Variants in CCSER1 observed in about 807,000 individuals in gnomAD.
CCSER1 encodes the protein coiled-coil serine rich protein 1.
CCSER1 carries 41 observed loss-of-function variants against 82.0 expected under a neutral mutation model. The observed-to-expected ratio is 0.50, with a 90% confidence interval of 0.39 to 0.65. The LOEUF (loss-of-function observed/expected upper bound fraction) is 0.65, where lower values mean the gene tolerates loss of function less well. Among genes scored for constraint, CCSER1 ranks in the 30% least tolerant of loss-of-function variants. The pLI is 0.00. For missense variants in CCSER1, 1,119 were observed against 1,064.2 expected, an observed-to-expected ratio of 1.05 and a Z score of -0.72; for synonymous variants, 414 against 383.9, an observed-to-expected ratio of 1.08 and a Z score of -0.92.
chr4:90,274,324 G>C (rs1727141417), intron 1 of CCSER1, among the ~76,000 whole-genome samples: 1 of 152,192 alleles, frequency 6.6e-6, no homozygotes, highest in Admixed American at 6.5e-5. Context: ...CCAGGGAGTT[G>C]TGGAATACTG....
chr4:90,470,587 A>G (rs1764226054), intron 5 of CCSER1, among the ~76,000 whole-genome samples: 1 of 152,126 alleles, frequency 6.6e-6, no homozygotes, highest in African/African-American at 2.4e-5. Context: ...GATATCATCA[A>G]GGGTCATTCT....
At chr4:90,735,657 T>A (rs1323418180) in intron 7 of CCSER1, among the ~76,000 whole-genome samples, 4 of 152,250 alleles carry the variant, frequency 2.6e-5, no homozygotes, top group Admixed American at 2.6e-4. Flanking sequence ...TTATAATGTC[T>A]CCTTTTTCAT....
At chr4:90,610,335 A>T (rs1379680960) in intron 5 of CCSER1, among the ~76,000 whole-genome samples, 1 of 152,050 alleles carries the variant, frequency 6.6e-6, no homozygotes, top group Non-Finnish European at 1.5e-5. Flanking sequence ...ATTACAAAAG[A>T]TCGCAAGGAA....
At chr4:90,981,024 C>A (rs1378707329) in intron 9 of CCSER1, among the ~76,000 whole-genome samples, 1 of 151,664 alleles carries the variant, frequency 6.6e-6, no homozygotes, top group Non-Finnish European at 1.5e-5. Flanking sequence ...TACAGGTAGA[C>A]CTGAAGTAGA....
chr4:90,639,565 A>G (rs1029452346), intron 6 of CCSER1, among the ~76,000 whole-genome samples: 3 of 151,992 alleles, frequency 2.0e-5, no homozygotes, highest in Non-Finnish European at 2.9e-5. Flanking sequence ...AAGGGAAGAG[A>G]TGTGTAGTGT....
rs553203712 is a variant in CCSER1, at chr4:91,409,099, T to A, written c.2218-189473T>A. 9.2e-5 allele frequency among the ~76,000 whole-genome samples: 14 copies of A among 152,280 alleles called. 1 individual carries two copies. The South Asian group carries it at 2.9e-3, about 32-fold the overall frequency. ...TTATTCACATGGCATCCTCTAGATTTCTGAGGCAAAGACATTGGCAAAAAC... is the reference window on the plus strand; with the variant it reads ...TTATTCACATGGCATCCTCTAGATTACTGAGGCAAAGACATTGGCAAAAAC... On this transcript the variant is annotated intron_variant, in intron 10 of 10. Coordinates refer to ENST00000509176, the MANE Select transcript of CCSER1 (RefSeq NM_001145065.2).
At chr4:91,498,382 C>T (rs1480073023) in intron 10 of CCSER1, among the ~76,000 whole-genome samples, 2 of 151,692 alleles carry the variant, frequency 1.3e-5, no homozygotes, top group East Asian at 1.9e-4. Context: ...TTTATATTTA[C>T]TCTAATAAGA....
intron 5 of CCSER1, among the ~76,000 whole-genome samples, chr4:90,564,768 A>G (rs1368260227): frequency 6.6e-6 from 1 of 151,790 alleles, no homozygotes; most frequent in African/African-American, 2.4e-5. Context: ...AAAACTATTC[A>G]TTGAAGACAC....
Position 91,488,878 on chromosome 4 carries a change from A to T in CCSER1, c.2218-109694A>T, listed in dbSNP as rs539062503. Among the ~76,000 whole-genome samples the T allele has an allele frequency of 3.9e-5, 6 of 152,330 alleles. No homozygotes were observed. The South Asian group carries it at 1.2e-3, about 32-fold the overall frequency. On this transcript the variant is annotated intron_variant, in intron 10 of 10. Coordinates refer to ENST00000509176, the MANE Select transcript of CCSER1 (RefSeq NM_001145065.2). The stretch of plus-strand genomic sequence containing the variant: ...GCGGTCATAGACTGTACTGCATTGT[A>T]GTAAGGGTCAGGAGATTATAGGTAG...
intron 10 of CCSER1, among the ~76,000 whole-genome samples, chr4:91,377,831 A>C (rs963464728): frequency 1.3e-5 from 2 of 152,140 alleles, no homozygotes; most frequent in African/African-American, 4.8e-5. Context: ...GCCCATGCCT[A>C]TGTCCTGAAT....
At chr4:91,159,248 C>T (rs73836865) in intron 10 of CCSER1, among the ~76,000 whole-genome samples, 1,929 of 151,960 alleles carry the variant, frequency 0.013, 23 homozygotes, top group African/African-American at 0.034. Context: ...CTTATAACTC[C>T]GTCTGTCAAA....
chr4:91,371,539 T>C (rs1031498710), intron 10 of CCSER1, among the ~76,000 whole-genome samples: 2 of 152,218 alleles, frequency 1.3e-5, no homozygotes, highest in African/African-American at 4.8e-5. Context: ...AGTATCCCAT[T>C]GTGTATATGT....
At chr4:90,372,459 A>T (rs1199391817) in intron 3 of CCSER1, among the ~76,000 whole-genome samples, 6 of 152,164 alleles carry the variant, frequency 3.9e-5, no homozygotes, top group Admixed American at 6.5e-5. Flanking sequence ...ATCATTTTTA[A>T]AAGCTAGATT....
At position 91,470,445 on chromosome 4, in the gene CCSER1, T is replaced by TAA. The variant is rs33924867; in HGVS notation, c.2218-128120_2218-128119dup. ...TTTATATTATGGAAGACTGAAATGGTAAAAAAAATAAAAATAAATGAGATC... is the reference window on the plus strand; with the variant it reads ...TTTATATTATGGAAGACTGAAATGGTAAAAAAAAAATAAAAATAAATGAGATC... On this transcript the variant is annotated intron_variant, in intron 10 of 10. Coordinates refer to ENST00000509176, the MANE Select transcript of CCSER1 (RefSeq NM_001145065.2). Among the ~76,000 whole-genome samples the TAA allele has an allele frequency of 1.2e-3, 182 of 151,474 alleles. 1 individual carries two copies. The highest frequency in any genetic ancestry group is 6.3e-4 in the South Asian group (3 of 4,796).
chr4:91,380,019 A>T (rs1340990519), intron 10 of CCSER1, among the ~76,000 whole-genome samples: 2 of 152,180 alleles, frequency 1.3e-5, no homozygotes, highest in Non-Finnish European at 1.5e-5. Context: ...GTAGTCATTT[A>T]GGAGCAGGTT....
At chr4:90,538,117 G>T (rs990930826) in intron 5 of CCSER1, among the ~76,000 whole-genome samples, 1 of 152,028 alleles carries the variant, frequency 6.6e-6, no homozygotes, top group Non-Finnish European at 1.5e-5. Flanking sequence ...ATTCTTTTCA[G>T]ATATAAGGTG....
chr4:90,308,800 T>A lies in CCSER1; in HGVS notation c.516T>A (p.Ser172=). 1 of 1,613,856 alleles carries A rather than the reference T, an allele frequency of 6.2e-7. No homozygotes were observed. Among genetic ancestry groups the A allele is most frequent in the Non-Finnish European group, 8.5e-7 (1 of 1,179,860 alleles). The part of the protein sequence containing the change: ...SGFTEDQTRR[S]VKQSTRKLLP... ...TCACAGAAGACCAAACTCGTCGTTC[T>A]GTTAAGCAGTCAACAAGGAAGCTAC... The change falls in exon 2 of 11, where the codon TCT becomes TCA. Residue 172 remains serine (S), a synonymous_variant. Transcript: ENST00000509176.
intron 8 of CCSER1, among the ~76,000 whole-genome samples, chr4:90,878,455 T>A (rs1004007421): frequency 1.3e-5 from 2 of 152,190 alleles, no homozygotes; most frequent in Non-Finnish European, 2.9e-5. Context: ...ATCTCACTTT[T>A]AGATTAATAG....
chr4:91,264,722 G>A (rs1336335509), intron 10 of CCSER1, among the ~76,000 whole-genome samples: 1 of 151,998 alleles, frequency 6.6e-6, no homozygotes, highest in South Asian at 2.1e-4. Context: ...ACCCTGCTTA[G>A]CTTCTGAGAT....
Sources: gnomAD v4.1 joint callset for allele counts (sites outside exome capture counted in the v4.1 genomes callset) on GRCh38, gnomAD v4.1.1 for gene constraint, MANE v1.5 for transcripts, NCBI Gene and HGNC (gene_info 2026-07-23, HGNC 2026-07-21) for gene names.